The following PACC1 variants were observed in gnomAD, a reference collection of about 807,000 sequenced individuals.
PACC1 encodes proton activated chloride channel 1.
Under a neutral mutation model 39.7 loss-of-function variants are expected in PACC1, and 34 were observed. That is an observed-to-expected ratio of 0.86 (90% CI 0.65 to 1.14). The LOEUF (loss-of-function observed/expected upper bound fraction) is 1.14, where lower values mean the gene tolerates loss of function less well. Ranked by LOEUF, PACC1 falls within the 50% of genes most tolerant of loss-of-function variation. PACC1 has a pLI of 0.00. For missense variants in PACC1, 379 were observed against 436.4 expected (o/e 0.87, Z 1.17); for synonymous variants, 127 against 160.6 (o/e 0.79, Z 1.58).
intron 2 of PACC1, among the ~76,000 whole-genome samples, chr1:212,392,126 T>C (rs1011886946): frequency 6.6e-6 from 1 of 152,030 alleles, no homozygotes; most frequent in Non-Finnish European, 1.5e-5. Flanking sequence ...AGAGCAACTC[T>C]CAGACACATA....
At chr1:212,372,571 G>C (rs1660500399) in intron 7 of PACC1, among the ~76,000 whole-genome samples, 1 of 152,102 alleles carries the variant, frequency 6.6e-6, no homozygotes, top group Non-Finnish European at 1.5e-5. Flanking sequence ...GTTTGCACAT[G>C]ATATGATCTT....
chr1:212,367,105 A>G (rs1660272886), intron 7 of PACC1, among the ~76,000 whole-genome samples: 1 of 152,170 alleles, frequency 6.6e-6, no homozygotes, highest in African/African-American at 2.4e-5. Flanking sequence ...TCAGAATTTG[A>G]CGTTAGAGGA....
Position 212,393,143 on chromosome 1 carries a change from GCACCA to G in PACC1, c.134-6048_134-6044del, listed in dbSNP as rs1240411869. Among the ~76,000 whole-genome samples the G allele has an allele frequency of 3.9e-5, 6 of 152,174 alleles. No homozygotes were observed. The East Asian group carries it at 1.2e-3, about 29-fold the overall frequency. ...ATCAACAGAATATACATTCTTCTCA[GCACCA>G]CACCACACCTATTCCAAAATTGACC... On this transcript the variant is annotated intron_variant, in intron 2 of 7. Transcript: ENST00000261455.
At chr1:212,383,620 C>A (rs1660987105) in intron 4 of PACC1, among the ~76,000 whole-genome samples, 1 of 152,086 alleles carries the variant, frequency 6.6e-6, no homozygotes, top group Non-Finnish European at 1.5e-5. Flanking sequence ...ACCATTAATT[C>A]TCCATTCTTA....
In PACC1 at chr1:212,408,825, G is replaced by A. The variant is rs114794248; in HGVS notation, c.133+1600C>T. Among the ~76,000 whole-genome samples the A allele has an allele frequency of 3.7e-3, 558 of 152,356 alleles. 4 individuals carry two copies. Among genetic ancestry groups the A allele is most frequent in the African/African-American group, 0.013 (531 of 41,580 alleles). On this transcript the variant is annotated intron_variant, in intron 2 of 7. Coordinates refer to ENST00000261455, the MANE Select transcript of PACC1 (RefSeq NM_018252.3). ...ATGGCGTGGTCAAGGCTAGGCTGGTGAGCAAAACAGACTGGTCTCTGCCCT... is the reference window on the plus strand; with the variant it reads ...ATGGCGTGGTCAAGGCTAGGCTGGTAAGCAAAACAGACTGGTCTCTGCCCT...
At chr1:212,372,689 T>C (rs996507151) in intron 7 of PACC1, among the ~76,000 whole-genome samples, 1 of 152,152 alleles carries the variant, frequency 6.6e-6, no homozygotes, top group African/African-American at 2.4e-5. Flanking sequence ...TATTTCTATA[T>C]GCTAACAGCG....
intron 5 of PACC1, among the ~76,000 whole-genome samples, chr1:212,378,081 A>T (rs950654356): frequency 1.3e-5 from 2 of 152,096 alleles, no homozygotes; most frequent in African/African-American, 2.4e-5. Flanking sequence ...CTCCTCAGAG[A>T]ACTCTGGACT....
rs558146343 is a variant in PACC1, at chr1:212,413,552, CG to C, written c.36+1169del. On this transcript the variant is annotated intron_variant, in intron 1 of 7. Coordinates refer to ENST00000261455, the MANE Select transcript of PACC1 (RefSeq NM_018252.3). ...GGGCATTTTACCCAATGGAGCTTGG[CG>C]GAGCGTTGATGAAGGAATGGAGTGA... Among the ~76,000 whole-genome samples, 228 of 152,270 alleles carry C rather than the reference CG, an allele frequency of 1.5e-3. 4 individuals carry two copies. The highest frequency in any genetic ancestry group is 5.0e-4 in the Non-Finnish European group (34 of 68,022).
Position 212,379,932 on chromosome 1 carries a change from A to G in PACC1, c.601T>C (p.Tyr201His). 2 of 1,614,206 alleles carry G rather than the reference A, an allele frequency of 1.2e-6. No individual in the cohort carries two copies. The highest frequency in any genetic ancestry group is 1.3e-5 in the African/African-American group (1 of 75,046). The change falls in exon 5 of 8, where the codon TAC becomes CAC. Residue 201 changes from tyrosine (Y) to histidine (H), a missense_variant. Tyr to His is a moderately conservative substitution (Grantham distance 83, BLOSUM62 2). Transcript: ENST00000261455. ...TCCTGGAAAGAAGAGAAGAGGAGGTAATCAATGGCGCTGAAGTCCTCACTA... is the reference window on the plus strand; with the variant it reads ...TCCTGGAAAGAAGAGAAGAGGAGGTGATCAATGGCGCTGAAGTCCTCACTA... Reference protein sequence around the residue: ...KSSEDFSAIDYLLFSSFQEFL... With the variant: ...KSSEDFSAIDHLLFSSFQEFL...
intron 1 of PACC1, among the ~76,000 whole-genome samples, chr1:212,412,977 A>G (rs1343721914): frequency 6.6e-6 from 1 of 152,236 alleles, no homozygotes; most frequent in Non-Finnish European, 1.5e-5. Flanking sequence ...ATGTGACTCA[A>G]TAAAAGTCAC....
chr1:212,405,176 A>G (rs1477202367), intron 2 of PACC1, among the ~76,000 whole-genome samples: 1 of 152,072 alleles, frequency 6.6e-6, no homozygotes, highest in Non-Finnish European at 1.5e-5. Flanking sequence ...CTCCTAGATG[A>G]GAGGCTCTCT....
At chr1:212,377,319 G>C (rs759238469) in intron 6 of PACC1, among the ~76,000 whole-genome samples, 1 of 152,210 alleles carries the variant, frequency 6.6e-6, no homozygotes. Flanking sequence ...AAGCCACAAT[G>C]ATCTCTGCCC....
intron 2 of PACC1, among the ~76,000 whole-genome samples, chr1:212,395,980 C>T (rs1221182266): frequency 2.6e-5 from 4 of 152,214 alleles, no homozygotes; most frequent in Non-Finnish European, 5.9e-5. Context: ...CACTTTTACA[C>T]TGTTGGTGGG....
At chr1:212,371,745 T>C (rs1660468595) in intron 7 of PACC1, among the ~76,000 whole-genome samples, 1 of 152,184 alleles carries the variant, frequency 6.6e-6, no homozygotes, top group East Asian at 1.9e-4. Context: ...TACAGGCCGA[T>C]ATCTCTGATG....
chr1:212,374,147 C>G (rs1411951017), intron 7 of PACC1, among the ~76,000 whole-genome samples: 1 of 151,404 alleles, frequency 6.6e-6, no homozygotes, highest in Non-Finnish European at 1.5e-5. Flanking sequence ...GGAATCAACT[C>G]AAGTATCCAT....
In PACC1 at chr1:212,381,695, GCACACACA is replaced by G. The variant is rs58078220; in HGVS notation, c.496-1666_496-1659del. ...GTGCACAGACACACACACACACACT[GCACACACA>G]CACACACACACACACACACACACAC... On this transcript the variant is annotated intron_variant, in intron 4 of 7. Transcript: ENST00000261455. Among the ~76,000 whole-genome samples, 334 of 122,830 alleles carry G rather than the reference GCACACACA, an allele frequency of 2.7e-3. 2 individuals are homozygous for G. Among genetic ancestry groups the G allele is most frequent in the African/African-American group, 6.2e-3 (211 of 33,870 alleles). The allele number at this position is 122,830 out of a possible 152,430, so 80.6% of individuals were successfully genotyped here.
intron 7 of PACC1, among the ~76,000 whole-genome samples, chr1:212,369,831 A>G (rs1021347911): frequency 9.9e-5 from 15 of 152,118 alleles, no homozygotes; most frequent in Non-Finnish European, 1.6e-4. Flanking sequence ...TCCCACACAA[A>G]TGTAAATAAA....
chr1:212,402,149 G>C (rs553217003), intron 2 of PACC1, among the ~76,000 whole-genome samples: 9 of 152,260 alleles, frequency 5.9e-5, no homozygotes, highest in South Asian at 2.1e-4. Flanking sequence ...TCATGTGGAC[G>C]TAAGTTTTCA....
At chr1:212,366,007 G>C (rs948232252) in intron 7 of PACC1, among the ~76,000 whole-genome samples, 1 of 152,164 alleles carries the variant, frequency 6.6e-6, no homozygotes, top group African/African-American at 2.4e-5. Context: ...ACTCAGAGGA[G>C]GATTCCTGCC....
Sources: gnomAD v4.1 joint callset for allele counts (sites outside exome capture counted in the v4.1 genomes callset) on GRCh38, gnomAD v4.1.1 for gene constraint, MANE v1.5 for transcripts, NCBI Gene and HGNC (gene_info 2026-07-23, HGNC 2026-07-21) for gene names.